BRAF: variants seen among roughly 807,000 people sequenced by gnomAD.
BRAF encodes the protein serine/threonine-protein kinase B-raf.
BRAF carries 16 observed loss-of-function variants against 104.6 expected under a neutral mutation model. The observed-to-expected ratio is 0.15, with a 90% CI of 0.10 to 0.23. The LOEUF (loss-of-function observed/expected upper bound fraction) is 0.23, where lower values mean the gene tolerates loss of function less well. Among genes scored for constraint, BRAF ranks in the 10% least tolerant of loss-of-function variants. The probability of loss-of-function intolerance (pLI) is 1.00; values close to 1 mark genes in which losing one functional copy is unlikely to be tolerated. For missense variants in BRAF, 541 were observed against 937.3 expected (o/e 0.58, Z 5.52); for synonymous variants, 310 against 341.6 (o/e 0.91, Z 1.02).
intron 1 of BRAF, among the ~76,000 whole-genome samples, chr7:140,865,096 C>A (rs995354850): frequency 4.1e-5 from 5 of 122,738 alleles, no homozygotes; most frequent in African/African-American, 7.5e-5. Flanking sequence ...TTTTTTTTTT[C>A]TGAGACAGAG....
chr7:140,805,367 T>C (rs1456136260), intron 5 of BRAF, among the ~76,000 whole-genome samples: 1 of 152,186 alleles, frequency 6.6e-6, no homozygotes, highest in Non-Finnish European at 1.5e-5. Context: ...ATCTTTAAAA[T>C]TTTTTATGTG....
At chr7:140,734,247 C>G in intron 19 of BRAF, 1 of 1,208,314 alleles carries the variant, frequency 8.3e-7, no homozygotes, top group Non-Finnish European at 1.0e-6. Context: ...TCTGGAGTCC[C>G]TAGTGGACAT....
chr7:140,739,767 T>C, intron 18 of BRAF, 45 bp downstream of exon 17: 1 of 1,609,004 alleles, frequency 6.2e-7, no homozygotes, highest in African/African-American at 1.3e-5. Flanking sequence ...AATCTGTCTA[T>C]GAATGTTAGT....
At chr7:140,881,401 T>A (rs942870399) in intron 1 of BRAF, among the ~76,000 whole-genome samples, 36 of 152,306 alleles carry the variant, frequency 2.4e-4, no homozygotes, top group Non-Finnish European at 4.9e-4. Flanking sequence ...ATCTCAGCAA[T>A]TAGGCTGTTT....
In BRAF at chr7:140,808,142, T is replaced by G. The variant is rs1220516041; in HGVS notation, c.609-80A>C. 1.1e-5 allele frequency: 13 copies of G among 1,185,360 alleles called. No homozygotes were observed. In the African/African-American group the frequency reaches 2.0e-4, roughly 18 times the overall value. The allele number at this position is 1,185,360 out of a possible 1,614,324, so 73.4% of individuals were successfully genotyped here. ...TACCTCATGCTGAAGATATGAAAAT[T>G]GGTTATCGAGGGGCTAGTAACAGTG... On this transcript the variant is annotated intron_variant, in intron 4 of 19. Coordinates refer to ENST00000644969, the MANE Select transcript of BRAF (RefSeq NM_001374258.1).
intron 3 of BRAF, among the ~76,000 whole-genome samples, chr7:140,831,024 G>T (rs1806677565): frequency 6.6e-6 from 1 of 152,226 alleles, no homozygotes; most frequent in Admixed American, 6.5e-5. Context: ...CCTGGAACTT[G>T]GGACTAGCAT....
intron 1 of BRAF, among the ~76,000 whole-genome samples, chr7:140,919,338 T>C (rs1296273208): frequency 6.6e-6 from 1 of 152,128 alleles, no homozygotes; most frequent in South Asian, 2.1e-4. Flanking sequence ...CCAGAAGATA[T>C]AAAGTTAATT....
At chr7:140,829,257 T>C in intron 3 of BRAF, among the ~76,000 whole-genome samples, 1 of 151,888 alleles carries the variant, frequency 6.6e-6, no homozygotes, top group East Asian at 1.9e-4. Context: ...CCTACAGCTT[T>C]TGAGCTAATT....
chr7:140,876,003 G>A (rs988129044), intron 1 of BRAF, among the ~76,000 whole-genome samples: 1 of 152,234 alleles, frequency 6.6e-6, no homozygotes, highest in African/African-American at 2.4e-5. Context: ...AGAGTAGGTT[G>A]AGGAGTAAGC....
chr7:140,861,085 T>C (rs1021541894), intron 1 of BRAF, among the ~76,000 whole-genome samples: 6 of 152,178 alleles, frequency 3.9e-5, no homozygotes, highest in African/African-American at 1.4e-4. Context: ...ACTTTTAAAA[T>C]GTCAACAATC....
chr7:140,789,300 G>C (rs1302117973), intron 8 of BRAF, among the ~76,000 whole-genome samples: 1 of 152,086 alleles, frequency 6.6e-6, no homozygotes, highest in Admixed American at 6.5e-5. Context: ...TGCAATTTGG[G>C]CCTTGATGGG....
chr7:140,912,286 TGAAAA>T, intron 1 of BRAF, among the ~76,000 whole-genome samples: 1 of 152,338 alleles, frequency 6.6e-6, no homozygotes, highest in East Asian at 1.9e-4. Flanking sequence ...CTTACTTCAC[TGAAAA>T]AAACCAAAGC....
chr7:140,801,571 A>G lies in BRAF; in HGVS notation c.712-11T>C. On this transcript the variant is annotated splice_polypyrimidine_tract_variant and intron_variant, in intron 5 of 19. Transcript: ENST00000644969. ...AAACGTTTTTCGTACCTGCAAAGTA[A>G]AAAATCACAGAGATTTCAAAAACTC... The G allele has an allele frequency of 6.2e-7, 1 of 1,609,624 alleles. No homozygotes were observed. Among genetic ancestry groups the G allele is most frequent in the Admixed American group, 1.7e-5 (1 of 59,892 alleles).
chr7:140,913,469 CTTTTTTTTTTTT>C (rs369746551), intron 1 of BRAF, among the ~76,000 whole-genome samples: 109 of 57,018 alleles, frequency 1.9e-3, no homozygotes, highest in Non-Finnish European at 2.3e-3. Context: ...TTAATCACAG[CTTTTTTTTTTTT>C]TTTTTTTTTT....
At chr7:140,850,437 A>G (rs1209467349) in intron 1 of BRAF, among the ~76,000 whole-genome samples, 1 of 152,170 alleles carries the variant, frequency 6.6e-6, no homozygotes, top group East Asian at 1.9e-4. Flanking sequence ...CAAAGAATAC[A>G]TGAATATTCA....
At chr7:140,791,285 T>G (rs970980425) in intron 8 of BRAF, among the ~76,000 whole-genome samples, 1 of 152,196 alleles carries the variant, frequency 6.6e-6, no homozygotes, top group African/African-American at 2.4e-5. Flanking sequence ...CTCAATGAAG[T>G]AAAGATGACA....
chr7:140,758,393 C>T (rs1798379451), intron 14 of BRAF: 1 of 152,160 alleles, frequency 6.6e-6, no homozygotes, highest in African/African-American at 2.4e-5. Flanking sequence ...GTAAAGTTCA[C>T]ATATTTTAAA....
chr7:140,759,877 T>C (rs1018728177), intron 14 of BRAF, among the ~76,000 whole-genome samples: 3 of 152,184 alleles, frequency 2.0e-5, no homozygotes, highest in African/African-American at 7.2e-5. Context: ...GATTCAGGTC[T>C]GGGGTGGTAT....
intron 10 of BRAF, among the ~76,000 whole-genome samples, chr7:140,785,100 T>C (rs2129028788): frequency 6.6e-6 from 1 of 152,326 alleles, no homozygotes; most frequent in South Asian, 2.1e-4. Context: ...ATCTAAAATA[T>C]GTTATAAATC....
Sources: allele counts gnomAD v4.1 joint callset (sites outside exome capture counted in the v4.1 genomes callset), GRCh38; gene constraint gnomAD v4.1.1; transcripts MANE v1.5; gene names NCBI Gene and HGNC (gene_info 2026-07-23, HGNC 2026-07-21).